The following FAF1 variants were observed in gnomAD, a reference collection of about 807,000 sequenced individuals.
The protein encoded by FAF1 is FAS-associated factor 1.
In FAF1, 25 loss-of-function variants were observed where a neutral mutation model predicts 92.5. That is an observed-to-expected ratio of 0.27 (90% CI 0.20 to 0.38). FAF1 has a LOEUF of 0.38. Among genes scored for constraint, FAF1 ranks in the 10% least tolerant of loss-of-function variants. FAF1 has a pLI of 1.00. For synonymous variants in FAF1, 234 were observed against 273.2 expected (o/e 0.86, Z 1.42); for missense variants, 636 against 793.3 (o/e 0.80, Z 2.38).
rs1646841396 is a variant in FAF1, at chr1:50,491,793, A to T, written c.1503T>A (p.Arg501=). 6.2e-7 allele frequency: 1 copy of T among 1,609,168 alleles called. No individual in the cohort carries two copies. The highest frequency in any genetic ancestry group is 8.5e-7 in the Non-Finnish European group (1 of 1,178,226). Residue 501 remains arginine, a synonymous_variant, in exon 16 of 19, where the codon CGT becomes CGA. Coordinates refer to ENST00000396153, the MANE Select transcript of FAF1 (RefSeq NM_007051.3). ...CTCTCTTCACATTTTCTCTGGCTTC[A>T]CGTTCATCCTTAAAGAAAAAGATTC... is the stretch of plus-strand genomic sequence containing the variant. ...QQEDIKDEDE[R]EARENVKREQ...
At chr1:50,818,511 C>T (rs574607250) in intron 2 of FAF1, among the ~76,000 whole-genome samples, 18 of 152,290 alleles carry the variant, frequency 1.2e-4, no homozygotes, top group African/African-American at 2.9e-4. Flanking sequence ...AGAATATTCA[C>T]ACAAAAGAAT....
chr1:50,915,883 T>C (rs1345723943), intron 1 of FAF1, among the ~76,000 whole-genome samples: 2 of 152,136 alleles, frequency 1.3e-5, no homozygotes, highest in African/African-American at 2.4e-5. Flanking sequence ...TCTAGAACAC[T>C]AGTGGACAAG....
intron 1 of FAF1, among the ~76,000 whole-genome samples, chr1:50,890,175 G>A (rs1041748446): frequency 2.0e-5 from 3 of 152,136 alleles, no homozygotes; most frequent in African/African-American, 7.2e-5. Flanking sequence ...CAGAGACTAG[G>A]ATTGCAACCC....
chr1:50,940,690 A>G (rs1283020863), intron 1 of FAF1, among the ~76,000 whole-genome samples: 1 of 152,270 alleles, frequency 6.6e-6, no homozygotes, highest in East Asian at 1.9e-4. Context: ...AATTATTTAC[A>G]GGTACTTTCA....
At chr1:50,739,135 T>G (rs1400703131) in intron 5 of FAF1, among the ~76,000 whole-genome samples, 181 bp from the exon 6 acceptor site, 3 of 151,956 alleles carry the variant, frequency 2.0e-5, no homozygotes, top group African/African-American at 7.2e-5. Context: ...ATATATATAA[T>G]ATATACATAT....
rs898408660 is a variant in FAF1 at position 50,590,001 on chromosome 1, G to A, written c.841-5190C>T. Among the ~76,000 whole-genome samples, 8 of 152,172 alleles carry A rather than the reference G, an allele frequency of 5.3e-5. No individual in the cohort carries two copies. The East Asian group carries it at 1.5e-3, about 29-fold the overall frequency. The stretch of plus-strand genomic sequence containing the variant: ...CCATTTTATCATAATATGCTGGTAT[G>A]TTGGGGCTCTCTATTATATTCCATT... On this transcript the variant is annotated intron_variant, in intron 9 of 18. Coordinates refer to ENST00000396153, the MANE Select transcript of FAF1 (RefSeq NM_007051.3).
intron 18 of FAF1, among the ~76,000 whole-genome samples, chr1:50,457,510 A>G (rs1478723057): frequency 1.3e-5 from 2 of 152,220 alleles, no homozygotes; most frequent in Admixed American, 6.5e-5. Flanking sequence ...GAAAGCAACT[A>G]GAATACGGAG....
chr1:50,452,189 G>C, intron 18 of FAF1: 1 of 1,325,192 alleles, frequency 7.5e-7, no homozygotes, highest in South Asian at 1.2e-5. Context: ...GGAAAGTCCT[G>C]GAATCTGGAA....
At chr1:50,636,488 C>T (rs1330694651) in intron 8 of FAF1, among the ~76,000 whole-genome samples, 4 of 146,140 alleles carry the variant, frequency 2.7e-5, no homozygotes, top group Admixed American at 1.4e-4. Flanking sequence ...CGGGCTCAAG[C>T]GATTCTCCTG....
At chr1:50,724,466 C>T (rs892134505) in intron 6 of FAF1, among the ~76,000 whole-genome samples, 1 of 151,976 alleles carries the variant, frequency 6.6e-6, no homozygotes, top group African/African-American at 2.4e-5. Flanking sequence ...CTTATTGTAC[C>T]AAACTTAATG....
chr1:50,639,917 G>C (rs1208462269), intron 8 of FAF1, among the ~76,000 whole-genome samples: 1 of 134,592 alleles, frequency 7.4e-6, no homozygotes. Flanking sequence ...CTGGGTGACA[G>C]AGCAAGACTC....
chr1:50,729,077 CAG>C (rs1169836163), intron 6 of FAF1, among the ~76,000 whole-genome samples: 2 of 71,660 alleles, frequency 2.8e-5, no homozygotes, highest in African/African-American at 1.1e-4. Context: ...TTTTTTGAGG[CAG>C]AGTTTCGCTA....
At chr1:50,826,550 C>CAAA (rs551210493) in intron 2 of FAF1, among the ~76,000 whole-genome samples, 2 of 80,202 alleles carry the variant, frequency 2.5e-5, no homozygotes, top group Non-Finnish European at 5.4e-5. Context: ...GACTCCGTCT[C>CAAA]AAAAAAAAAA....
intron 7 of FAF1, among the ~76,000 whole-genome samples, chr1:50,683,026 C>T (rs921437388): frequency 1.3e-5 from 2 of 150,932 alleles, no homozygotes; most frequent in South Asian, 2.1e-4. Context: ...AGCAAGACTC[C>T]GTCACAAAAA....
intron 1 of FAF1, among the ~76,000 whole-genome samples, chr1:50,913,277 TATACAA>T (rs1228603385): frequency 6.6e-6 from 1 of 152,242 alleles, no homozygotes; most frequent in East Asian, 1.9e-4. Flanking sequence ...GGATCGACTT[TATACAA>T]ATACATTTCT....
intron 2 of FAF1, among the ~76,000 whole-genome samples, chr1:50,852,075 G>GA (rs932949042): frequency 6.6e-6 from 1 of 151,290 alleles, no homozygotes. Flanking sequence ...AAACAGGAAA[G>GA]AAAAAAAGAT....
At chr1:50,662,757 G>A (rs1655439041) in intron 7 of FAF1, among the ~76,000 whole-genome samples, 1 of 146,716 alleles carries the variant, frequency 6.8e-6, no homozygotes, top group Admixed American at 6.9e-5. Context: ...GAGTGCAGCG[G>A]CGGGATCTTG....
At chr1:50,896,382 T>C (rs1021247562) in intron 1 of FAF1, among the ~76,000 whole-genome samples, 1 of 152,220 alleles carries the variant, frequency 6.6e-6, no homozygotes, top group Non-Finnish European at 1.5e-5. Context: ...AGTGTATGCC[T>C]GTATCAAAAT....
rs200407686 is a variant in FAF1, at chr1:50,712,660, G to GA, written c.552-6770dup. ...AGCAGAGAGAGACTCTGTTGTAAAA[G>GA]AAAAAAAAATGCCATGGTAATCTGT... On this transcript the variant is annotated intron_variant, in intron 6 of 18. Coordinates refer to ENST00000396153, the MANE Select transcript of FAF1 (RefSeq NM_007051.3). Among the ~76,000 whole-genome samples the GA allele has an allele frequency of 3.6e-3, 537 of 150,030 alleles. 1 individual carries two copies. The highest frequency in any genetic ancestry group is 6.5e-3 in the Non-Finnish European group (435 of 67,352).
Sources: allele counts gnomAD v4.1 joint callset (sites outside exome capture counted in the v4.1 genomes callset), GRCh38; gene constraint gnomAD v4.1.1; transcripts MANE v1.5; gene names NCBI Gene and HGNC (gene_info 2026-07-23, HGNC 2026-07-21).